C5AR2: variants seen among roughly 807,000 people sequenced by gnomAD.
The protein encoded by C5AR2 is complement C5a receptor 2, also known as C5a anaphylatoxin chemotactic receptor 2.
For synonymous variants in C5AR2, 224 were observed against 216.5 expected (o/e 1.03, Z -0.30); for missense variants, 458 against 467.5 (o/e 0.98, Z 0.19).
At chr19:47,339,722 C>T (rs1190183531) in intron 1 of C5AR2, among the ~76,000 whole-genome samples, 7 of 152,220 alleles carry the variant, frequency 4.6e-5, no homozygotes, top group Non-Finnish European at 7.4e-5. Context: ...GTTCCCACCT[C>T]AGGGCCTTTG....
At position 47,341,706 on chromosome 19, in the gene C5AR2, C is replaced by T. The variant is rs1238272766; in HGVS notation, c.907C>T (p.Leu303=). ...YFGRAQLRRS[L]PAACHWALRE... is the part of the protein sequence containing the mutation. ...TGGGAGGGCTCAACTCCGCCGGTCA[C>T]TGCCAGCTGCCTGTCACTGGGCCCT... Residue 303 remains leucine, a synonymous_variant, in exon 2 of 2, where the codon CTG becomes TTG. Transcript: ENST00000595464. This position sits in a 1 kb window ranked among gnomAD's most constrained non-coding sequence, Gnocchi z 4.6. 3.1e-6 allele frequency: 5 copies of T among 1,614,062 alleles called. No individual in the cohort carries two copies. The highest frequency in any genetic ancestry group is 4.2e-6 in the Non-Finnish European group (5 of 1,180,044).
intron 1 of C5AR2, among the ~76,000 whole-genome samples, chr19:47,334,696 A>G (rs755864598): frequency 8.5e-5 from 12 of 141,244 alleles, no homozygotes; most frequent in Non-Finnish European, 1.5e-4. Context: ...TGGATTTAAT[A>G]CACCTAGCTT....
chr19:47,340,861 T>G lies in C5AR2; in HGVS notation c.62T>G (p.Val21Gly), dbSNP rs757366090. ...TACAGCGACCTCTCGGACCGCCCTG[T>G]GGACTGCCTGGATGGCGCCTGCCTG... is the stretch of plus-strand genomic sequence containing the variant. ...GDYSDLSDRPVDCLDGACLAI... is the reference protein window; with the variant it reads ...GDYSDLSDRPGDCLDGACLAI... The change falls in exon 2 of 2, where the codon GTG becomes GGG. Residue 21 changes from valine (V) to glycine (G), a missense_variant. By Grantham distance (109) the Val-to-Gly change is moderately radical. Coordinates refer to ENST00000595464, the MANE Select transcript of C5AR2 (RefSeq NM_001271749.2). 14 of 1,613,662 alleles carry G rather than the reference T, an allele frequency of 8.7e-6. No homozygotes were observed. The highest frequency in any genetic ancestry group is 1.2e-5 in the Non-Finnish European group (14 of 1,179,994).
intron 1 of C5AR2, 42 bp from the exon 2 acceptor site, chr19:47,340,743 G>T: frequency 6.3e-7 from 1 of 1,598,428 alleles, no homozygotes; most frequent in South Asian, 1.1e-5. Flanking sequence ...GGGCCATGGA[G>T]TTTCCTCCTC....
At position 47,346,001 on chromosome 19, in the gene C5AR2, C is replaced by T. The variant is rs537616758; in HGVS notation, c.*4188C>T. The stretch of plus-strand genomic sequence containing the variant: ...TTCCGGATTCAAGTGATTCTCCTGC[C>T]GCAGCCTCCCGAGTAGCTGGGACTA... On this transcript the variant is annotated 3_prime_UTR_variant, in exon 2 of 2. Coordinates refer to ENST00000595464, the MANE Select transcript of C5AR2 (RefSeq NM_001271749.2). The T allele has an allele frequency of 3.3e-5, 5 of 152,258 alleles. No individual in the cohort carries two copies. Among genetic ancestry groups the T allele is most frequent in the African/African-American group, 1.2e-4 (5 of 41,540 alleles). The allele number at this position is 152,258 out of a possible 1,614,324, so 9.4% of individuals were successfully genotyped here.
intron 1 of C5AR2, among the ~76,000 whole-genome samples, chr19:47,334,214 G>A (rs964818964): frequency 6.6e-6 from 1 of 152,040 alleles, no homozygotes; most frequent in Non-Finnish European, 1.5e-5. Context: ...TAGGTCATAG[G>A]TGCTCAATAA....
rs2972611 is a variant in C5AR2, at chr19:47,345,117, T to C, written c.*3304T>C. 0.011 allele frequency: 1,733 copies of C among 152,746 alleles called. 23 individuals carry two copies. The highest frequency in any genetic ancestry group is 0.07 in the Middle Eastern group (21 of 298). The allele number at this position is 152,746 out of a possible 1,614,324, so 9.5% of individuals were successfully genotyped here. A position where few individuals can be genotyped will look rare whatever the true frequency, so the allele number is the denominator to read the frequency against. On this transcript the variant is annotated 3_prime_UTR_variant, in exon 2 of 2. Transcript: ENST00000595464. ...CCTAACCTCCTGGGAATGCAGCCCA[T>C]AGGTCTCAGCCTTATTTCACCCAGC...
chr19:47,334,146 G>A (rs1313936684), intron 1 of C5AR2, among the ~76,000 whole-genome samples: 1 of 152,146 alleles, frequency 6.6e-6, no homozygotes, highest in Non-Finnish European at 1.5e-5. Flanking sequence ...AGCTGATGTT[G>A]TGGGATATGA....
intron 1 of C5AR2, among the ~76,000 whole-genome samples, chr19:47,340,065 C>A (rs2059376302): frequency 6.6e-6 from 1 of 151,432 alleles, no homozygotes; most frequent in Admixed American, 6.6e-5. Flanking sequence ...AATGATTCTC[C>A]CACTTCAGCC....
rs542558790 is a variant in C5AR2, at chr19:47,342,323, T to G, written c.*510T>G. ...GTGAGCCAAGATTGAGCCCCTGCAC[T>G]CCAGCCTGGGCGACAGAGCGAGACT... is the stretch of plus-strand genomic sequence containing the variant. On this transcript the variant is annotated 3_prime_UTR_variant, in exon 2 of 2. Transcript: ENST00000595464. 6.6e-6 allele frequency: 1 copy of G among 150,848 alleles called. No individual in the cohort carries two copies. Among genetic ancestry groups the G allele is most frequent in the South Asian group, 2.2e-4 (1 of 4,642 alleles). The allele number at this position is 150,848 out of a possible 1,614,324, so 9.3% of individuals were successfully genotyped here. A position where few individuals can be genotyped will look rare whatever the true frequency, so the allele number is the denominator to read the frequency against.
In C5AR2 at chr19:47,340,841, C is replaced by T. The variant is rs138403580; in HGVS notation, c.42C>T (p.Ser14=). Residue 14 remains serine, a synonymous_variant, in exon 2 of 2, where the codon AGC becomes AGT. Transcript: ENST00000595464. ...TCAGCTACGAGTATGGGGATTACAG[C>T]GACCTCTCGGACCGCCCTGTGGACT... ...DSVSYEYGDY[S]DLSDRPVDCL... is the part of the protein sequence containing the mutation. 6.8e-6 allele frequency: 11 copies of T among 1,613,464 alleles called. No homozygotes were observed. Among genetic ancestry groups the T allele is most frequent in the African/African-American group, 6.7e-5 (5 of 74,944 alleles).
Position 47,341,713 on chromosome 19 carries a change from C to G in C5AR2, c.914C>G (p.Ala305Gly). 6.2e-7 allele frequency: 1 copy of G among 1,614,032 alleles called. No homozygotes were observed. The highest frequency in any genetic ancestry group is 8.5e-7 in the Non-Finnish European group (1 of 1,180,024). Reference sequence around the variant, plus strand: ...GCTCAACTCCGCCGGTCACTGCCAGCTGCCTGTCACTGGGCCCTGAGGGAG... The same window carrying G: ...GCTCAACTCCGCCGGTCACTGCCAGGTGCCTGTCACTGGGCCCTGAGGGAG... ...GRAQLRRSLP[A>G]ACHWALRESQ... is the part of the protein sequence containing the mutation. Residue 305 changes from alanine to glycine, a missense_variant, in exon 2 of 2, where the codon GCT becomes GGT. By Grantham distance (60) the Ala-to-Gly change is moderately conservative. Coordinates refer to ENST00000595464, the MANE Select transcript of C5AR2 (RefSeq NM_001271749.2). The surrounding 1 kb of genome is among the most constrained non-coding windows in gnomAD (Gnocchi z 4.6).
At chr19:47,338,737 G>A (rs2059369928) in intron 1 of C5AR2, among the ~76,000 whole-genome samples, 1 of 149,388 alleles carries the variant, frequency 6.7e-6, no homozygotes, top group Non-Finnish European at 1.5e-5. Flanking sequence ...ACTTGGGAGG[G>A]TGAGGTGGAG....
In C5AR2 at chr19:47,336,207, A is replaced by C. The variant is rs533730190; in HGVS notation, c.-16+3858A>C. Among the ~76,000 whole-genome samples, 12 of 151,226 alleles carry C rather than the reference A, an allele frequency of 7.9e-5. No homozygotes were observed. In the East Asian group the frequency reaches 2.4e-3, roughly 30 times the overall value. On this transcript the variant is annotated intron_variant, in intron 1 of 1. Transcript: ENST00000595464. The stretch of plus-strand genomic sequence containing the variant: ...CGGGTTCCAGCGATTCTCTTGCCTC[A>C]GTCTCCCGAGTAGCTGGAATTACAG...
chr19:47,336,180 C>T (rs2059356868), intron 1 of C5AR2, among the ~76,000 whole-genome samples: 1 of 151,780 alleles, frequency 6.6e-6, no homozygotes, highest in South Asian at 2.1e-4. Context: ...ACCTCTGCCT[C>T]CCGGGTTCCA....
chr19:47,333,668 T>G (rs1210637893), intron 1 of C5AR2, among the ~76,000 whole-genome samples: 1 of 146,460 alleles, frequency 6.8e-6, no homozygotes, highest in Non-Finnish European at 1.5e-5. Context: ...AACCTCCGCC[T>G]CCTGGGTTCA....
Position 47,338,877 on chromosome 19 carries a change from G to A in C5AR2, c.-15-1908G>A, listed in dbSNP as rs948428044. Among the ~76,000 whole-genome samples the A allele has an allele frequency of 4.6e-5, 7 of 151,086 alleles. No homozygotes were observed. In the South Asian group the frequency reaches 6.3e-4, roughly 14 times the overall value. The stretch of plus-strand genomic sequence containing the variant: ...TATAGTAATAATATTATTGTGGCCC[G>A]ACATGGTGGCTCACGCCTGTAATCC... On this transcript the variant is annotated intron_variant, in intron 1 of 1. Coordinates refer to ENST00000595464, the MANE Select transcript of C5AR2 (RefSeq NM_001271749.2).
chr19:47,337,200 C>G (rs906439664), intron 1 of C5AR2: 1 of 152,174 alleles, frequency 6.6e-6, no homozygotes, highest in Admixed American at 6.6e-5. Flanking sequence ...CTTGTTTCCC[C>G]GATGAGGAAA....
At position 47,333,153 on chromosome 19, in the gene C5AR2, C is replaced by T. The variant is rs550322723; in HGVS notation, c.-16+804C>T. On this transcript the variant is annotated intron_variant, in intron 1 of 1. Transcript: ENST00000595464. The stretch of plus-strand genomic sequence containing the variant: ...CTGAGTAGCTGGGATTACAGGTGCA[C>T]GCCACCACACCTAGCTAATTTTTGT... Among the ~76,000 whole-genome samples, 6 of 151,720 alleles carry T rather than the reference C, an allele frequency of 4.0e-5. No homozygotes were observed. In the South Asian group the frequency reaches 6.2e-4, roughly 16 times the overall value.
Sources: gnomAD v4.1 joint callset for allele counts (sites outside exome capture counted in the v4.1 genomes callset) on GRCh38, gnomAD v4.1.1 for gene constraint, Gnocchi (gnomAD v3.1) non-coding constraint, MANE v1.5 for transcripts, NCBI Gene and HGNC (gene_info 2026-07-23, HGNC 2026-07-21) for gene names.